Variants in RBM28 observed in about 807,000 individuals in gnomAD.
RBM28 encodes the protein RNA-binding protein 28.
Under a neutral mutation model 98.3 loss-of-function variants are expected in RBM28, and 78 were observed. That is an observed-to-expected ratio of 0.79 (90% confidence interval 0.66 to 0.96). The LOEUF is 0.96. Ranked by LOEUF, RBM28 falls within the 40% of genes least tolerant of loss-of-function variation. The pLI is 0.00. For synonymous variants in RBM28, 306 were observed against 330.9 expected (o/e 0.92, Z 0.82); for missense variants, 838 against 913.0 (o/e 0.92, Z 1.06).
At position 128,341,125 on chromosome 7, in the gene RBM28, G is replaced by A. The variant is rs762205337; in HGVS notation, c.119-1334C>T. On this transcript the variant is annotated intron_variant, in intron 1 of 18. Coordinates refer to ENST00000223073, the MANE Select transcript of RBM28 (RefSeq NM_018077.3). ...CAAGAAGTCTGCCTTTACCTGAAAA[G>A]GACACATAGTTCATATGCTCTGCTT... is the stretch of plus-strand genomic sequence containing the variant. The A allele has an allele frequency of 5.5e-6, 7 of 1,282,654 alleles. No homozygotes were observed. The African/African-American group carries it at 7.6e-5, about 14-fold the overall frequency. 79.5% of individuals were successfully genotyped at this position (1,282,654 alleles called of 1,614,324 possible).
Position 128,336,418 on chromosome 7 carries a change from G to T in RBM28, c.614-376C>A, listed in dbSNP as rs930864182. Among the ~76,000 whole-genome samples the T allele has an allele frequency of 3.3e-5, 5 of 152,196 alleles. No individual in the cohort carries two copies. In the East Asian group the frequency reaches 9.6e-4, roughly 29 times the overall value. On this transcript the variant is annotated intron_variant, in intron 6 of 18. Coordinates refer to ENST00000223073, the MANE Select transcript of RBM28 (RefSeq NM_018077.3). Reference sequence around the variant, plus strand: ...AATCTCAGTGCGTTCTATTCTCTGAGACCCTGGTGGCTTACCAGCCAATTG... The same window carrying T: ...AATCTCAGTGCGTTCTATTCTCTGATACCCTGGTGGCTTACCAGCCAATTG...
intron 14 of RBM28, among the ~76,000 whole-genome samples, chr7:128,319,405 C>T (rs1248923493): frequency 6.6e-6 from 1 of 152,166 alleles, no homozygotes; most frequent in Non-Finnish European, 1.5e-5. Flanking sequence ...ACTAAGTATT[C>T]GGATGATAGG....
rs544854029 is a variant in RBM28, at chr7:128,313,914, C to T, written c.2046-640G>A. Among the ~76,000 whole-genome samples, 4 of 152,280 alleles carry T rather than the reference C, an allele frequency of 2.6e-5. No individual in the cohort carries two copies. In the East Asian group the frequency reaches 7.7e-4, roughly 29 times the overall value. ...TCCCTAGAAGATGAGCAGCTGCTGT[C>T]ATGCTTCCTGTACAGCCTGTGGAAC... On this transcript the variant is annotated intron_variant, in intron 17 of 18. Transcript: ENST00000223073.
chr7:128,313,117 A>G (rs1796021601), intron 18 of RBM28, 58 bp downstream of exon 18: 3 of 1,536,680 alleles, frequency 2.0e-6, no homozygotes, highest in Non-Finnish European at 2.7e-6. Flanking sequence ...AGGTACAAAC[A>G]TGGCTACGAC....
At chr7:128,317,046 G>T (rs375229005) in intron 16 of RBM28, among the ~76,000 whole-genome samples, 1 of 152,192 alleles carries the variant, frequency 6.6e-6, no homozygotes, top group African/African-American at 2.4e-5. Flanking sequence ...TACTGACTGC[G>T]TGCTGACCAT....
At chr7:128,312,941 T>C (rs538206479) in intron 18 of RBM28, 18 of 556,620 alleles carry the variant, frequency 3.2e-5, no homozygotes, top group Non-Finnish European at 5.1e-5. Context: ...AAGCATGTTA[T>C]GGGGAATATG....
At chr7:128,311,316 T>C (rs925125967) in intron 18 of RBM28, among the ~76,000 whole-genome samples, 10 of 152,142 alleles carry the variant, frequency 6.6e-5, no homozygotes, top group South Asian at 2.1e-4. Context: ...CTCTATACTA[T>C]AGTACGGTAT....
At chr7:128,317,841 C>A (rs1796138179) in intron 15 of RBM28, 108 bp from the exon 16 acceptor site, 1 of 1,535,176 alleles carries the variant, frequency 6.5e-7, no homozygotes, top group African/African-American at 1.4e-5. Context: ...TTTTTTTTGT[C>A]CACTTGCCAC....
At chr7:128,342,780 C>G (rs1394441372) in intron 1 of RBM28, among the ~76,000 whole-genome samples, 1 of 152,152 alleles carries the variant, frequency 6.6e-6, no homozygotes, top group Non-Finnish European at 1.5e-5. Context: ...GTCCTCCTTA[C>G]TACTCCTCCA....
intron 10 of RBM28, among the ~76,000 whole-genome samples, chr7:128,329,869 A>T (rs1796436722): frequency 7.0e-6 from 1 of 141,978 alleles, no homozygotes; most frequent in Non-Finnish European, 1.5e-5. Context: ...AGCCTGGGCA[A>T]CAGAGTGAGA....
chr7:128,332,242 G>A (rs556920002), intron 9 of RBM28, among the ~76,000 whole-genome samples: 6 of 152,252 alleles, frequency 3.9e-5, no homozygotes, highest in African/African-American at 1.2e-4. Flanking sequence ...TCTTTATGAT[G>A]TGGGCATGTA....
chr7:128,317,783 T>C lies in RBM28; in HGVS notation c.1714-50A>G, dbSNP rs569712941. 16 of 1,495,400 alleles carry C rather than the reference T, an allele frequency of 1.1e-5. No individual in the cohort carries two copies. The East Asian group carries it at 3.4e-4, about 32-fold the overall frequency. 92.6% of individuals were successfully genotyped at this position (1,495,400 alleles called of 1,614,324 possible). A position where few individuals can be genotyped will look rare whatever the true frequency, so the allele number is the denominator to read the frequency against. On this transcript the variant is annotated intron_variant, in intron 15 of 18. Coordinates refer to ENST00000223073, the MANE Select transcript of RBM28 (RefSeq NM_018077.3). The stretch of plus-strand genomic sequence containing the variant: ...TTCATTAGACTTCTTAATCTGTGCA[T>C]GCAATGAGCTGAGTTTTTCCCCTTC...
chr7:128,313,423 T>C (rs987948289), intron 17 of RBM28, 149 bp from the exon 18 acceptor site: 2 of 805,856 alleles, frequency 2.5e-6, no homozygotes, highest in Non-Finnish European at 4.2e-6. Context: ...AAGCTCAACA[T>C]TTGTATACTT....
chr7:128,335,891 C>A lies in RBM28; in HGVS notation c.765G>T (p.Glu255Asp). 3 of 1,613,816 alleles carry A rather than the reference C, an allele frequency of 1.9e-6. No individual in the cohort carries two copies. The East Asian group carries it at 6.7e-5, about 36-fold the overall frequency. ...GVFDDEDEEE[E>D]NIESKVTKPV... ...GCTTGGTCACCTTTGATTCTATATT[C>A]TCTTCCTCTTCATCTTCATCATCAA... The change falls in exon 7 of 19, where the codon GAG (glutamate) becomes GAT (aspartate). Residue 255 changes from glutamate (E) to aspartate (D), a missense_variant. Physicochemically the swap from Glu to Asp is conservative, Grantham distance 45. Transcript: ENST00000223073.
chr7:128,317,740 G>A lies in RBM28; in HGVS notation c.1714-7C>T. The A allele has an allele frequency of 6.3e-7, 1 of 1,583,382 alleles. No individual in the cohort carries two copies. The highest frequency in any genetic ancestry group is 8.7e-7 in the Non-Finnish European group (1 of 1,152,350). On this transcript the variant is annotated splice_region_variant and splice_polypyrimidine_tract_variant and intron_variant, in intron 15 of 18. Transcript: ENST00000223073. ...AGAACTCCACTATTGGTCTCTGTCAGAGGGAGACAGAATGCCATTCATTAG... is the reference window on the plus strand; with the variant it reads ...AGAACTCCACTATTGGTCTCTGTCAAAGGGAGACAGAATGCCATTCATTAG...
chr7:128,321,100 A>T (rs750594028), intron 14 of RBM28, among the ~76,000 whole-genome samples, 166 bp downstream of exon 14: 2 of 152,232 alleles, frequency 1.3e-5, no homozygotes, highest in Non-Finnish European at 2.9e-5. Flanking sequence ...CAGGAGGAGG[A>T]GGTTGCAGTG....
At chr7:128,318,986 T>C (rs1796165333) in intron 14 of RBM28, among the ~76,000 whole-genome samples, 2 of 152,250 alleles carry the variant, frequency 1.3e-5, no homozygotes, top group South Asian at 4.1e-4. Flanking sequence ...TCTCTTTGCT[T>C]GCAGCTCAGA....
At chr7:128,315,067 T>G in intron 16 of RBM28, 47 bp from the exon 17 acceptor site, 2 of 1,611,762 alleles carry the variant, frequency 1.2e-6, no homozygotes, top group Non-Finnish European at 1.7e-6. Flanking sequence ...TGAGCTTTGT[T>G]TGCTGCAAAT....
chr7:128,343,669 C>CCCCT lies in RBM28; in HGVS notation c.118+3_118+6dup, dbSNP rs759402457. On this transcript the variant is annotated splice_region_variant and intron_variant, in intron 1 of 18. Transcript: ENST00000223073. ...CCCAGCCCTATCCTCGACCGCCCCG[C>CCCCT]CCCTACCTTTTTCAGTCACCACGAA... is the stretch of plus-strand genomic sequence containing the variant. 2 of 1,601,688 alleles carry CCCCT rather than the reference C, an allele frequency of 1.2e-6. No individual in the cohort carries two copies. The highest frequency in any genetic ancestry group is 2.2e-5 in the South Asian group (2 of 89,664).
Sources: allele counts gnomAD v4.1 joint callset (sites outside exome capture counted in the v4.1 genomes callset), GRCh38; gene constraint gnomAD v4.1.1; transcripts MANE v1.5; gene names NCBI Gene and HGNC (gene_info 2026-07-23, HGNC 2026-07-21).